LHFPL2: variants seen among roughly 807,000 people sequenced by gnomAD.
The protein encoded by LHFPL2 is LHFPL tetraspan subfamily member 2.
LHFPL2 carries 7 observed loss-of-function variants against 17.5 expected under a neutral mutation model. The observed-to-expected ratio is 0.40, with a 90% CI of 0.23 to 0.75. The LOEUF is 0.75. Ranked by LOEUF, LHFPL2 falls within the 30% of genes least tolerant of loss-of-function variation. The pLI is 0.37. For synonymous variants in LHFPL2, 134 were observed against 116.2 expected (o/e 1.15, Z -0.99); for missense variants, 241 against 294.8 (o/e 0.82, Z 1.34).
chr5:78,563,508 C>A (rs1053486373), intron 3 of LHFPL2, among the ~76,000 whole-genome samples: 1 of 151,914 alleles, frequency 6.6e-6, no homozygotes, highest in African/African-American at 2.4e-5. Context: ...CCAGCCTGGC[C>A]AACATGGTGA....
At chr5:78,509,127 C>G (rs886744637) in intron 4 of LHFPL2, among the ~76,000 whole-genome samples, 3 of 152,210 alleles carry the variant, frequency 2.0e-5, no homozygotes, top group African/African-American at 7.2e-5. Context: ...CTAATAAGCT[C>G]GTTAGTGAGA....
At chr5:78,587,574 T>A (rs530916796) in intron 2 of LHFPL2, among the ~76,000 whole-genome samples, 7 of 152,266 alleles carry the variant, frequency 4.6e-5, no homozygotes, top group Non-Finnish European at 8.8e-5. Flanking sequence ...ACATCTGCTC[T>A]TCTGCAGCCT....
intron 1 of LHFPL2, among the ~76,000 whole-genome samples, chr5:78,645,260 T>C (rs1478943055): frequency 8.6e-5 from 13 of 151,726 alleles, no homozygotes. Flanking sequence ...TTTTTTTTTT[T>C]TCTTCTAATG....
intron 3 of LHFPL2, among the ~76,000 whole-genome samples, chr5:78,548,854 G>A (rs908423116): frequency 2.0e-5 from 3 of 152,208 alleles, no homozygotes; most frequent in African/African-American, 7.2e-5. Flanking sequence ...CTCCTATCCA[G>A]AAATTTAGAT....
chr5:78,494,049 C>T (rs1441811117), intron 4 of LHFPL2, among the ~76,000 whole-genome samples: 2 of 152,132 alleles, frequency 1.3e-5, no homozygotes, highest in African/African-American at 4.8e-5. Context: ...CCCTTTGCAG[C>T]TATTAAAAAA....
Position 78,486,495 on chromosome 5 carries a change from GACTAGCATGATTTTA to G in LHFPL2, c.*2387_*2401del, listed in dbSNP as rs1426978054. The G allele has an allele frequency of 2.6e-5, 4 of 152,198 alleles. No homozygotes were observed. The highest frequency in any genetic ancestry group is 9.7e-5 in the African/African-American group (4 of 41,442). The allele number at this position is 152,198 out of a possible 1,614,324, so 9.4% of individuals were successfully genotyped here. On this transcript the variant is annotated 3_prime_UTR_variant, in exon 5 of 5. Transcript: ENST00000380345. ...CAGCTGTGTGGAAGAGCATGGTTTA[GACTAGCATGATTTTA>G]GATGGTCCTTTCATCCCAAGCCTGG...
At chr5:78,521,333 C>T (rs1755451708) in intron 3 of LHFPL2, among the ~76,000 whole-genome samples, 1 of 152,178 alleles carries the variant, frequency 6.6e-6, no homozygotes, top group South Asian at 2.1e-4. Context: ...TATCCAGGGG[C>T]AATTTCTGAT....
At chr5:78,588,545 T>C (rs538469393) in intron 2 of LHFPL2, among the ~76,000 whole-genome samples, 1 of 152,186 alleles carries the variant, frequency 6.6e-6, no homozygotes, top group African/African-American at 2.4e-5. Flanking sequence ...CTATTTTTTT[T>C]AATGAGAAAC....
chr5:78,596,358 G>A (rs1370958078), intron 2 of LHFPL2, among the ~76,000 whole-genome samples: 3 of 152,176 alleles, frequency 2.0e-5, no homozygotes, highest in African/African-American at 4.8e-5. Context: ...CCTAGAGGAC[G>A]ACCTTTCTGA....
At position 78,583,092 on chromosome 5, in the gene LHFPL2, C is replaced by G. The variant is rs548367707; in HGVS notation, c.-244-18221G>C. 2.2e-3 allele frequency among the ~76,000 whole-genome samples: 329 copies of G among 152,124 alleles called. 2 individuals carry two copies. Among genetic ancestry groups the G allele is most frequent in the African/African-American group, 7.3e-3 (303 of 41,484 alleles). Reference sequence around the variant, plus strand: ...GCTTTAAAGTCTGTTTTATCAGAGACTAGGATTGCAACCCCTGCCTTTTTT... The same window carrying G: ...GCTTTAAAGTCTGTTTTATCAGAGAGTAGGATTGCAACCCCTGCCTTTTTT... On this transcript the variant is annotated intron_variant, in intron 2 of 4. Coordinates refer to ENST00000380345, the MANE Select transcript of LHFPL2 (RefSeq NM_005779.3).
At chr5:78,491,988 T>C (rs1186692512) in intron 4 of LHFPL2, among the ~76,000 whole-genome samples, 2 of 152,212 alleles carry the variant, frequency 1.3e-5, no homozygotes, top group Non-Finnish European at 2.9e-5. Context: ...TAACCAATTC[T>C]TAAATATTTC....
At chr5:78,515,526 C>T (rs917025707) in intron 3 of LHFPL2, among the ~76,000 whole-genome samples, 5 of 152,194 alleles carry the variant, frequency 3.3e-5, no homozygotes, top group African/African-American at 9.7e-5. Flanking sequence ...CCTCCATCCC[C>T]GTTTCTTCTG....
intron 3 of LHFPL2, among the ~76,000 whole-genome samples, chr5:78,552,917 G>A (rs569645433): frequency 2.0e-5 from 3 of 152,106 alleles, no homozygotes; most frequent in Admixed American, 6.5e-5. Flanking sequence ...CTATCCAAAC[G>A]CCACACCTTT....
At chr5:78,493,816 C>A (rs1399655860) in intron 4 of LHFPL2, among the ~76,000 whole-genome samples, 1 of 152,134 alleles carries the variant, frequency 6.6e-6, no homozygotes, top group South Asian at 2.1e-4. Flanking sequence ...CAATTAAAAT[C>A]AATAACTTCT....
chr5:78,549,571 C>T (rs958747570), intron 3 of LHFPL2, among the ~76,000 whole-genome samples: 15 of 152,190 alleles, frequency 9.9e-5, no homozygotes, highest in Admixed American at 1.3e-4. Context: ...TGAAGAGCCA[C>T]AACACACATT....
intron 4 of LHFPL2, among the ~76,000 whole-genome samples, chr5:78,500,039 G>GAA (rs68038194): frequency 2.6e-4 from 5 of 18,894 alleles, no homozygotes; most frequent in African/African-American, 4.8e-4. Flanking sequence ...AAAAAAAAAG[G>GAA]CAGTATAATC....
intron 3 of LHFPL2, among the ~76,000 whole-genome samples, chr5:78,553,218 C>T (rs1052649139): frequency 2.6e-5 from 4 of 152,216 alleles, no homozygotes; most frequent in African/African-American, 7.2e-5. Context: ...TCTGCACTTC[C>T]GCATCTCCTT....
At chr5:78,493,226 C>T (rs1055017211) in intron 4 of LHFPL2, among the ~76,000 whole-genome samples, 9 of 152,212 alleles carry the variant, frequency 5.9e-5, no homozygotes, top group African/African-American at 2.2e-4. Context: ...CCTCCCCTCA[C>T]GAGGTCCACA....
intron 3 of LHFPL2, among the ~76,000 whole-genome samples, chr5:78,519,514 C>G (rs1357310013): frequency 6.6e-6 from 1 of 152,140 alleles, no homozygotes. Context: ...AGAAAGGCAC[C>G]ATGTAAGAAT....
Sources: allele counts gnomAD v4.1 joint callset (sites outside exome capture counted in the v4.1 genomes callset), GRCh38; gene constraint gnomAD v4.1.1; transcripts MANE v1.5; gene names NCBI Gene and HGNC (gene_info 2026-07-23, HGNC 2026-07-21).